Variants in GAB3 observed in about 807,000 individuals in gnomAD.
GAB3 encodes GRB2 associated binding protein 3, also known as GRB2-associated-binding protein 3.
A neutral mutation model predicts 40.4 loss-of-function variants in GAB3; 12 were observed. The ratio of observed to expected loss-of-function variants is 0.30; its 90% CI spans 0.19 to 0.48. The LOEUF is 0.48. GAB3 is among the 20% of genes least tolerant of loss of function. The pLI is 0.99. For missense variants in GAB3, 381 were observed against 461.9 expected (o/e 0.82, Z 1.61); for synonymous variants, 154 against 176.7 (o/e 0.87, Z 1.02).
intron 1 of GAB3, among the ~76,000 whole-genome samples, chrX:154,731,199 C>T (rs1356776168): frequency 2.7e-5 from 3 of 112,026 alleles, no homozygotes; most frequent in Non-Finnish European, 5.6e-5. Flanking sequence ...GGGAGGGTCA[C>T]TAATATGTTA....
In GAB3 at chrX:154,712,543, C is replaced by A. The variant is rs781803525; in HGVS notation, c.755G>T (p.Arg252Met). ...ACTCCAGATCAGGGCAGCCTGAGGC[C>A]TCGAGGATGGCACCTCCTGAGCTCC... Reference protein sequence around the residue: ...GSGAQEVPSSRPQAALIWSRE... With the variant: ...GSGAQEVPSSMPQAALIWSRE... The change falls in exon 4 of 10, where the codon AGG (arginine) becomes ATG (methionine). Residue 252 changes from arginine (R) to methionine (M), a missense_variant. Physicochemically the swap from Arg to Met is moderately conservative, Grantham distance 91 (BLOSUM62 -1). Coordinates refer to ENST00000424127, the MANE Select transcript of GAB3 (RefSeq NM_001081573.3). 1.7e-6 allele frequency: 2 copies of A among 1,186,430 alleles called. No individual in the cohort carries two copies. Among genetic ancestry groups the A allele is most frequent in the Non-Finnish European group, 2.3e-6 (2 of 882,952 alleles).
chrX:154,696,298 CAAAAAAAAA>C (rs35105330), intron 7 of GAB3, among the ~76,000 whole-genome samples: 1 of 40,144 alleles, frequency 2.5e-5, no homozygotes, highest in Non-Finnish European at 4.6e-5. Context: ...TATCATTTAG[CAAAAAAAAA>C]AAAAAAAAAA....
At chrX:154,702,922 A>C (rs1473100186) in intron 4 of GAB3, among the ~76,000 whole-genome samples, 2 of 112,349 alleles carry the variant, frequency 1.8e-5, no homozygotes, top group African/African-American at 3.2e-5. Context: ...TTGATCACTA[A>C]AGAAATGTAA....
At chrX:154,721,240 C>A (rs2071127746) in intron 1 of GAB3, among the ~76,000 whole-genome samples, 1 of 112,439 alleles carries the variant, frequency 8.9e-6, no homozygotes, top group African/African-American at 3.2e-5. Flanking sequence ...AAATGTCTAG[C>A]AGGTATCTTA....
At chrX:154,723,903 C>T (rs955126305) in intron 1 of GAB3, among the ~76,000 whole-genome samples, 1 of 111,937 alleles carries the variant, frequency 8.9e-6, no homozygotes, top group Non-Finnish European at 1.9e-5. Flanking sequence ...TTTGAGCACA[C>T]AGTACTTGAG....
intron 4 of GAB3, among the ~76,000 whole-genome samples, chrX:154,701,426 T>G (rs1447568685): frequency 1.8e-5 from 2 of 112,177 alleles, no homozygotes; most frequent in African/African-American, 3.2e-5. Flanking sequence ...TTTAAGAGAT[T>G]TGTGACAGAT....
chrX:154,691,309 C>T (rs2070561557), intron 8 of GAB3, among the ~76,000 whole-genome samples: 1 of 105,079 alleles, frequency 9.5e-6, no homozygotes, highest in African/African-American at 3.5e-5. Context: ...GGGAGATATA[C>T]CTAATGCTAG....
chrX:154,687,445 C>T (rs1453316362), intron 8 of GAB3, among the ~76,000 whole-genome samples: 11 of 109,315 alleles, frequency 1.0e-4, no homozygotes, highest in African/African-American at 3.7e-4. Flanking sequence ...TCCTGGCTAA[C>T]ACGGTGAAAC....
intron 8 of GAB3, among the ~76,000 whole-genome samples, chrX:154,690,713 A>G (rs2070546349): frequency 9.0e-6 from 1 of 111,668 alleles, no homozygotes; most frequent in African/African-American, 3.3e-5. Flanking sequence ...CAAAACCACA[A>G]TGAGATACCA....
At chrX:154,734,353 G>A (rs893137780) in intron 1 of GAB3, among the ~76,000 whole-genome samples, 4 of 113,037 alleles carry the variant, frequency 3.5e-5, no homozygotes, top group African/African-American at 1.3e-4. Context: ...GCATGGTGAC[G>A]TTCTTATGTG....
At position 154,697,776 on chromosome X, in the gene GAB3, C is replaced by T. The variant is rs939148234; in HGVS notation, c.1346-563G>A. Among the ~76,000 whole-genome samples the T allele has an allele frequency of 3.6e-5, 4 of 112,309 alleles. No homozygotes were observed. In the Admixed American group the frequency reaches 3.8e-4, roughly 11 times the overall value. ...CAGCCCCAGTTTGTGATAATACACT[C>T]ATCTATGATTTATCTGGACCTAAAC... On this transcript the variant is annotated intron_variant, in intron 6 of 9. Transcript: ENST00000424127.
At chrX:154,692,932 T>A (rs782028224) in intron 8 of GAB3, among the ~76,000 whole-genome samples, 1 of 112,457 alleles carries the variant, frequency 8.9e-6, no homozygotes, top group East Asian at 2.8e-4. Context: ...AGAATTACCA[T>A]ATGATCCAGA....
chrX:154,705,325 C>T (rs1557253296), intron 4 of GAB3, among the ~76,000 whole-genome samples: 1 of 111,198 alleles, frequency 9.0e-6, no homozygotes. Context: ...GCACATGTAC[C>T]CAAAACCTAA....
intron 4 of GAB3, among the ~76,000 whole-genome samples, chrX:154,711,842 G>A (rs1274934087): frequency 8.9e-6 from 1 of 112,218 alleles, no homozygotes; most frequent in Non-Finnish European, 1.9e-5. Flanking sequence ...CTTACCACAT[G>A]GGCAAGGACT....
At chrX:154,726,657 T>C (rs782203733) in intron 1 of GAB3, among the ~76,000 whole-genome samples, 1 of 112,027 alleles carries the variant, frequency 8.9e-6, no homozygotes, top group South Asian at 3.7e-4. Context: ...TCCACTTACA[T>C]ATCTAAGAGG....
intron 1 of GAB3, among the ~76,000 whole-genome samples, chrX:154,738,996 C>A (rs782319207): frequency 1.8e-5 from 2 of 111,515 alleles, no homozygotes; most frequent in Admixed American, 9.5e-5. Flanking sequence ...AGATTCTGAT[C>A]GTCTTTCCTG....
rs1027174084 is a variant in GAB3 at position 154,675,968 on chromosome X, G to A, written c.*2210C>T. ...ATTGCCTACACTCTGGAAATGAGGG[G>A]TGAGTCACCTTTTTCAAAATTAAAT... On this transcript the variant is annotated 3_prime_UTR_variant, in exon 10 of 10. Transcript: ENST00000424127. The A allele has an allele frequency of 8.9e-6, 1 of 111,899 alleles. No homozygotes were observed. Among genetic ancestry groups the A allele is most frequent in the African/African-American group, 3.3e-5 (1 of 30,739 alleles). The allele number at this position is 111,899 out of a possible 1,213,427, so 9.2% of individuals were successfully genotyped here.
chrX:154,679,527 G>A (rs2070345512), intron 9 of GAB3, among the ~76,000 whole-genome samples: 1 of 112,090 alleles, frequency 8.9e-6, no homozygotes. Context: ...CAGCAAAAGA[G>A]GAGGAAAGTC....
At chrX:154,678,841 T>C (rs1290711099) in intron 9 of GAB3, 1 of 134,624 alleles carries the variant, frequency 7.4e-6, no homozygotes, top group Non-Finnish European at 1.5e-5. Context: ...TCTTGAGGCT[T>C]CCCCAGCCAC....
Sources: gnomAD v4.1 joint callset for allele counts (sites outside exome capture counted in the v4.1 genomes callset) on GRCh38, gnomAD v4.1.1 for gene constraint, MANE v1.5 for transcripts, NCBI Gene and HGNC (gene_info 2026-07-23, HGNC 2026-07-21) for gene names.